The following MAF variants were observed in gnomAD, a reference collection of about 807,000 sequenced individuals.
MAF encodes the protein transcription factor Maf.
MAF carries 10 observed loss-of-function variants against 22.0 expected under a neutral mutation model. That is an observed-to-expected ratio of 0.45 (90% CI 0.28 to 0.77). The LOEUF (loss-of-function observed/expected upper bound fraction) is 0.77, where lower values mean the gene tolerates loss of function less well. Ranked by LOEUF, MAF falls within the 30% of genes least tolerant of loss-of-function variation. The pLI is 0.12. For synonymous variants in MAF, 337 were observed against 255.8 expected, an observed-to-expected ratio of 1.32 and a Z score of -3.03; for missense variants, 544 against 548.4, an observed-to-expected ratio of 0.99 and a Z score of 0.08.
the MAF span, among the ~76,000 whole-genome samples, chr16:79,241,594 A>G: frequency 1.3e-5 from 2 of 152,118 alleles, no homozygotes; most frequent in Non-Finnish European, 2.9e-5. Flanking sequence ...GACGGGGAGA[A>G]TGGAACCAAG....
chr16:79,287,670 T>C, the MAF span, among the ~76,000 whole-genome samples: 1 of 152,254 alleles, frequency 6.6e-6, no homozygotes, highest in Admixed American at 6.5e-5. Flanking sequence ...TTGAGCCATT[T>C]ATTTGCTCAT....
chr16:79,380,586 T>A, the MAF span, among the ~76,000 whole-genome samples: 9 of 152,228 alleles, frequency 5.9e-5, no homozygotes, highest in African/African-American at 2.2e-4. Context: ...ATTCTTTCCA[T>A]TATCATGGTT....
At chr16:79,371,413 G>C in the MAF span, among the ~76,000 whole-genome samples, 4 of 152,182 alleles carry the variant, frequency 2.6e-5, no homozygotes, top group Non-Finnish European at 5.9e-5. Context: ...AATGGGACGA[G>C]TGTCTAGAAA....
At chr16:79,366,147 C>T in the MAF span, among the ~76,000 whole-genome samples, 1 of 152,206 alleles carries the variant, frequency 6.6e-6, no homozygotes, top group African/African-American at 2.4e-5. Context: ...CTGTCATTCT[C>T]ATGGTGGCAA....
At chr16:79,496,999 A>T in the MAF span, among the ~76,000 whole-genome samples, 7 of 152,244 alleles carry the variant, frequency 4.6e-5, no homozygotes, top group African/African-American at 1.7e-4. Flanking sequence ...TGAGTGTAAC[A>T]ATTTATATGA....
chr16:79,460,614 A>G, the MAF span, among the ~76,000 whole-genome samples: 1 of 152,202 alleles, frequency 6.6e-6, no homozygotes, highest in Non-Finnish European at 1.5e-5. Context: ...CTTCCATGCA[A>G]TGTTTGGATT....
the MAF span, among the ~76,000 whole-genome samples, chr16:79,246,059 G>A: frequency 3.9e-5 from 6 of 152,090 alleles, no homozygotes; most frequent in African/African-American, 1.4e-4. Context: ...GCCTGTCAGG[G>A]GGTGAGGGGT....
chr16:79,557,952 GGTGC>G, the MAF span, among the ~76,000 whole-genome samples: 1 of 151,878 alleles, frequency 6.6e-6, no homozygotes, highest in African/African-American at 2.4e-5. Flanking sequence ...AGGCCTGATG[GGTGC>G]TTCAGGGAAG....
chr16:79,544,284 G>A, the MAF span, among the ~76,000 whole-genome samples: 1 of 152,116 alleles, frequency 6.6e-6, no homozygotes, highest in African/African-American at 2.4e-5. Flanking sequence ...TTCAGTTCCT[G>A]ACACACTAGA....
chr16:79,552,553 T>C, the MAF span, among the ~76,000 whole-genome samples: 22 of 152,212 alleles, frequency 1.4e-4, no homozygotes, highest in East Asian at 1.3e-3. Context: ...GAATTCTTTA[T>C]CTTTTCGTAA....
the MAF span, among the ~76,000 whole-genome samples, chr16:79,437,726 C>T: frequency 2.0e-5 from 3 of 152,166 alleles, no homozygotes; most frequent in Non-Finnish European, 2.9e-5. Context: ...ACGAGCTTCT[C>T]GGCCATGACA....
At chr16:79,323,972 G>C in the MAF span, among the ~76,000 whole-genome samples, 11,771 of 152,138 alleles carry the variant, frequency 0.077, 649 homozygotes, top group African/African-American at 0.16. Flanking sequence ...CACCCAGAAC[G>C]TTCCAGAGCG....
At chr16:79,356,186 A>ATG in the MAF span, among the ~76,000 whole-genome samples, 15 of 152,246 alleles carry the variant, frequency 9.9e-5, 1 homozygote, top group East Asian at 1.7e-3. Context: ...ACATGTGCAC[A>ATG]CACACACACA....
the MAF span, among the ~76,000 whole-genome samples, chr16:79,476,943 C>T: frequency 1.3e-5 from 2 of 152,118 alleles, no homozygotes; most frequent in African/African-American, 4.8e-5. Flanking sequence ...CATCCACGGC[C>T]ATCTTATAGG....
the MAF span, among the ~76,000 whole-genome samples, chr16:79,468,308 C>T: frequency 6.6e-6 from 1 of 152,164 alleles, no homozygotes. Flanking sequence ...TGCCCTGGGC[C>T]GGCCAGACGG....
chr16:79,356,336 C>A, the MAF span, among the ~76,000 whole-genome samples: 3 of 152,178 alleles, frequency 2.0e-5, no homozygotes, highest in Non-Finnish European at 4.4e-5. Context: ...AATTCACAGG[C>A]CACATCATCA....
the MAF span, among the ~76,000 whole-genome samples, chr16:79,481,660 C>T: frequency 2.0e-5 from 3 of 151,972 alleles, no homozygotes; most frequent in African/African-American, 4.8e-5. Context: ...ACTCATCCAC[C>T]TATGCATTCA....
the MAF span, among the ~76,000 whole-genome samples, chr16:79,229,726 G>C: frequency 6.6e-6 from 1 of 152,034 alleles, no homozygotes. Flanking sequence ...AGTGCACCGA[G>C]CAAAGCGCCT....
At chr16:79,235,627 T>G in the MAF span, among the ~76,000 whole-genome samples, 3 of 151,980 alleles carry the variant, frequency 2.0e-5, no homozygotes, top group Non-Finnish European at 4.4e-5. Flanking sequence ...CAGGTGCTTC[T>G]CATATGGGCA....
Sources: allele counts gnomAD v4.1 joint callset (sites outside exome capture counted in the v4.1 genomes callset), GRCh38; gene constraint gnomAD v4.1.1; transcripts MANE v1.5; gene names NCBI Gene and HGNC (gene_info 2026-07-23, HGNC 2026-07-21).